Variants in SPATS2L observed in about 807,000 individuals in gnomAD.
SPATS2L encodes the protein spermatogenesis associated serine rich 2 like, also known as SPATS2-like protein.
A neutral mutation model predicts 59.6 loss-of-function variants in SPATS2L; 30 were observed. The observed-to-expected ratio is 0.50, with a 90% CI of 0.38 to 0.68. SPATS2L has a LOEUF of 0.68. Ranked by LOEUF, SPATS2L falls within the 30% of genes least tolerant of loss-of-function variation. The probability of loss-of-function intolerance (pLI) is 0.00; values close to 1 mark genes in which losing one functional copy is unlikely to be tolerated. For synonymous variants in SPATS2L, 252 were observed against 263.5 expected, an observed-to-expected ratio of 0.96 and a Z score of 0.42; for missense variants, 615 against 700.0, an observed-to-expected ratio of 0.88 and a Z score of 1.37.
chr2:200,342,795 A>G (rs531050683), intron 2 of SPATS2L, among the ~76,000 whole-genome samples: 159 of 152,340 alleles, frequency 1.0e-3, no homozygotes, highest in African/African-American at 3.8e-3. Flanking sequence ...TATCCTTGCC[A>G]TTCAGTCTCC....
rs994592539 is a variant in SPATS2L, at chr2:200,320,018, G to A, written c.-72-9413G>A. Among the ~76,000 whole-genome samples the A allele has an allele frequency of 4.6e-5, 7 of 152,058 alleles. No individual in the cohort carries two copies. In the East Asian group the frequency reaches 5.8e-4, roughly 13 times the overall value. On this transcript the variant is annotated intron_variant, in intron 1 of 12. Coordinates refer to ENST00000409140, the MANE Select transcript of SPATS2L (RefSeq NM_001100423.2). ...GCACACTTGGAAATGTTACTTTGTC[G>A]TTGATAAAATGTTGACCAAGACAGG...
intron 2 of SPATS2L, among the ~76,000 whole-genome samples, chr2:200,337,403 A>T (rs2080177271): frequency 6.6e-6 from 1 of 152,224 alleles, no homozygotes; most frequent in Non-Finnish European, 1.5e-5. Flanking sequence ...CATAGTCAAT[A>T]GCAAAAGCAT....
At chr2:200,442,471 A>C (rs2084764762) in intron 8 of SPATS2L, among the ~76,000 whole-genome samples, 1 of 152,192 alleles carries the variant, frequency 6.6e-6, no homozygotes, top group South Asian at 2.1e-4. Context: ...GCTGTGGGCC[A>C]GATTTGGCTC....
At chr2:200,439,674 C>T (rs1308992159) in intron 7 of SPATS2L, among the ~76,000 whole-genome samples, 1 of 152,180 alleles carries the variant, frequency 6.6e-6, no homozygotes, top group Non-Finnish European at 1.5e-5. Flanking sequence ...CTAAAAGGGA[C>T]TCATGTTTCC....
At chr2:200,443,306 G>A (rs1004136540) in intron 8 of SPATS2L, among the ~76,000 whole-genome samples, 5 of 152,172 alleles carry the variant, frequency 3.3e-5, no homozygotes, top group African/African-American at 1.2e-4. Flanking sequence ...ATGGCAGCTT[G>A]GAAATTTTTG....
intron 2 of SPATS2L, chr2:200,372,378 A>G (rs918458077): frequency 6.3e-6 from 1 of 158,336 alleles, no homozygotes; most frequent in African/African-American, 2.4e-5. Context: ...CACCAAATGT[A>G]ACAGGAATAA....
intron 5 of SPATS2L, among the ~76,000 whole-genome samples, chr2:200,418,581 T>TAATTAAATA (rs1553527086): frequency 8.9e-5 from 13 of 145,320 alleles, no homozygotes; most frequent in African/African-American, 3.1e-4. Flanking sequence ...CCTTATTAAA[T>TAATTAAATA]AATAAATAAA....
At chr2:200,459,919 G>A (rs1346298149) in intron 9 of SPATS2L, 92 bp downstream of exon 9, 2 of 960,358 alleles carry the variant, frequency 2.1e-6, no homozygotes, top group South Asian at 1.6e-5. Flanking sequence ...CTTCTGAACA[G>A]GGTCCTAAAA....
intron 1 of SPATS2L, among the ~76,000 whole-genome samples, chr2:200,325,397 TAGAC>T (rs1270285379): frequency 7.2e-5 from 11 of 152,138 alleles, no homozygotes; most frequent in Non-Finnish European, 1.6e-4. Flanking sequence ...TTTATTTTTT[TAGAC>T]AGAGTCTCAC....
intron 12 of SPATS2L, 31 bp downstream of exon 12, chr2:200,473,083 GAAAAA>G: frequency 8.1e-7 from 1 of 1,233,008 alleles, no homozygotes; most frequent in Admixed American, 2.9e-5. Context: ...GGTGCCAGAG[GAAAAA>G]AAAAAAAAAA....
At chr2:200,440,346 G>GT (rs2084610963) in intron 7 of SPATS2L, among the ~76,000 whole-genome samples, 1 of 152,206 alleles carries the variant, frequency 6.6e-6, no homozygotes, top group Non-Finnish European at 1.5e-5. Context: ...GTCTTTAGAC[G>GT]TATCAGATTC....
chr2:200,443,873 G>T (rs1232674881), intron 8 of SPATS2L, among the ~76,000 whole-genome samples: 1 of 152,152 alleles, frequency 6.6e-6, no homozygotes, highest in Non-Finnish European at 1.5e-5. Context: ...TTCCAACCGG[G>T]CTGTGAAGAA....
chr2:200,307,431 C>G (rs1300125048), intron 1 of SPATS2L, among the ~76,000 whole-genome samples: 1 of 151,962 alleles, frequency 6.6e-6, no homozygotes, highest in African/African-American at 2.4e-5. Context: ...GCGGGGGCCG[C>G]GGCCCCACTG....
In SPATS2L at chr2:200,479,651, G is replaced by A. The variant is rs181880325; in HGVS notation, c.*1620G>A. 4.1e-3 allele frequency: 1,643 copies of A among 398,582 alleles called. 31 individuals carry two copies. The highest frequency in any genetic ancestry group is 1.5e-3 in the Non-Finnish European group (336 of 226,060). The allele number at this position is 398,582 out of a possible 1,614,324, so 24.7% of individuals were successfully genotyped here. A position where few individuals can be genotyped will look rare whatever the true frequency, so the allele number is the denominator to read the frequency against. On this transcript the variant is annotated 3_prime_UTR_variant, in exon 13 of 13. Coordinates refer to ENST00000409140, the MANE Select transcript of SPATS2L (RefSeq NM_001100423.2). ...GCAGTCCAGTTTGGGTGCCGCTTCC[G>A]TTGCACTCACATGTCCTACATATCT...
chr2:200,368,487 G>T (rs1026983196), intron 2 of SPATS2L, among the ~76,000 whole-genome samples: 3 of 152,196 alleles, frequency 2.0e-5, no homozygotes, highest in African/African-American at 7.2e-5. Flanking sequence ...GAGAAGTAAA[G>T]TAAATGAAGG....
Position 200,479,900 on chromosome 2 carries a change from CTT to C in SPATS2L, c.*1870_*1871del, listed in dbSNP as rs576144712. On this transcript the variant is annotated 3_prime_UTR_variant, in exon 13 of 13. Coordinates refer to ENST00000409140, the MANE Select transcript of SPATS2L (RefSeq NM_001100423.2). Reference sequence around the variant, plus strand: ...TGTACCCAGAGATTTAATAGAAATTCTTAACGTTAAGTCACATTCCAGGAAGG... The same window carrying C: ...TGTACCCAGAGATTTAATAGAAATTCAACGTTAAGTCACATTCCAGGAAGG... 3.8e-5 allele frequency: 15 copies of C among 397,134 alleles called. No homozygotes were observed. In the South Asian group the frequency reaches 2.0e-3, roughly 53 times the overall value. 24.6% of individuals were successfully genotyped at this position (397,134 alleles called of 1,614,324 possible).
At chr2:200,354,302 C>T (rs2080837638) in intron 2 of SPATS2L, among the ~76,000 whole-genome samples, 4 of 152,132 alleles carry the variant, frequency 2.6e-5, no homozygotes, top group South Asian at 2.1e-4. Context: ...ACAGTGTAGC[C>T]AGCCCTAGTA....
chr2:200,358,745 T>C (rs768868446), intron 2 of SPATS2L, among the ~76,000 whole-genome samples: 3 of 152,134 alleles, frequency 2.0e-5, no homozygotes, highest in Non-Finnish European at 4.4e-5. Context: ...CCCAGCACTT[T>C]GGGAGGTCAA....
At chr2:200,411,014 CAT>C (rs72177636) in intron 3 of SPATS2L, among the ~76,000 whole-genome samples, 5,502 of 146,172 alleles carry the variant, frequency 0.038, 286 homozygotes, top group African/African-American at 0.12. Flanking sequence ...CACACACATA[CAT>C]ATATATATAT....
Sources: gnomAD v4.1 joint callset for allele counts (sites outside exome capture counted in the v4.1 genomes callset) on GRCh38, gnomAD v4.1.1 for gene constraint, MANE v1.5 for transcripts, NCBI Gene and HGNC (gene_info 2026-07-23, HGNC 2026-07-21) for gene names.